The following ASTN2 variants were observed in gnomAD, a reference collection of about 807,000 sequenced individuals.
ASTN2 encodes astrotactin-2.
ASTN2 carries 54 observed loss-of-function variants against 139.8 expected under a neutral mutation model. That is an observed-to-expected ratio of 0.39 (90% CI 0.31 to 0.48). ASTN2 has a LOEUF of 0.48. Ranked by LOEUF, ASTN2 falls within the 20% of genes least tolerant of loss-of-function variation. The pLI is 0.95. For missense variants in ASTN2, 1,565 were observed against 1,725.1 expected, an observed-to-expected ratio of 0.91 and a Z score of 1.64; for synonymous variants, 756 against 719.5, an observed-to-expected ratio of 1.05 and a Z score of -0.81.
intron 19 of ASTN2, among the ~76,000 whole-genome samples, chr9:116,576,565 G>GAA (rs1853729610): frequency 2.0e-5 from 3 of 152,176 alleles, no homozygotes; most frequent in Non-Finnish European, 2.9e-5. Flanking sequence ...ATGAGAGGAT[G>GAA]CTAGGCCGGG....
Position 117,214,692 on chromosome 9 carries a change from C to T in ASTN2, c.681G>A (p.Leu227=), listed in dbSNP as rs1349438026. 2 of 1,538,292 alleles carry T rather than the reference C, an allele frequency of 1.3e-6. No homozygotes were observed. Among genetic ancestry groups the T allele is most frequent in the East Asian group, 2.3e-5 (1 of 43,962 alleles). The change falls in exon 3 of 23, where the codon CTG becomes CTA. Residue 227 remains leucine, a synonymous_variant. Coordinates refer to ENST00000313400, the MANE Select transcript of ASTN2 (RefSeq NM_001365068.1). ...LLLLLVFTVA[L]YAQRRWQKRR... Reference sequence around the variant, plus strand: ...GCTTCTGCCAACGTCGCTGGGCGTACAGCGCCACGGTGAACACCAGCAGCA... The same window carrying T: ...GCTTCTGCCAACGTCGCTGGGCGTATAGCGCCACGGTGAACACCAGCAGCA...
intron 19 of ASTN2, among the ~76,000 whole-genome samples, chr9:116,543,437 CAAA>C (rs889238650): frequency 1.6e-4 from 20 of 121,922 alleles, no homozygotes; most frequent in African/African-American, 5.1e-4. Context: ...CACCCTGTCT[CAAA>C]AAAAAAAAAA....
At chr9:117,403,545 C>G (rs1211059488) in intron 1 of ASTN2, among the ~76,000 whole-genome samples, 2 of 152,150 alleles carry the variant, frequency 1.3e-5, no homozygotes, top group Middle Eastern at 3.2e-3. Flanking sequence ...TGCCCCACCC[C>G]CTTCCCTCCT....
intron 4 of ASTN2, among the ~76,000 whole-genome samples, chr9:117,122,336 C>T (rs1829578129): frequency 6.6e-6 from 1 of 152,138 alleles, no homozygotes; most frequent in Non-Finnish European, 1.5e-5. Context: ...CAATTAGGTC[C>T]AAGCAAGCTC....
intron 16 of ASTN2, among the ~76,000 whole-genome samples, chr9:116,714,332 C>CA (rs939289787): frequency 1.2e-4 from 18 of 152,206 alleles, no homozygotes; most frequent in African/African-American, 4.1e-4. Context: ...AGGAAGAAGA[C>CA]ATATATCTTA....
intron 3 of ASTN2, among the ~76,000 whole-genome samples, chr9:117,144,977 CT>C (rs1730775537): frequency 6.6e-6 from 1 of 151,976 alleles, no homozygotes; most frequent in African/African-American, 2.4e-5. Flanking sequence ...CCCACTACGC[CT>C]GGCTCTTTTT....
intron 17 of ASTN2, among the ~76,000 whole-genome samples, chr9:116,637,873 G>A (rs963088876): frequency 9.9e-5 from 15 of 152,172 alleles, no homozygotes; most frequent in Admixed American, 3.3e-4. Context: ...CAGGGAGATC[G>A]AGGCTACAGT....
rs554664783 is a variant in ASTN2, at chr9:116,631,311, A to T, written c.3073-10868T>A. Among the ~76,000 whole-genome samples the T allele has an allele frequency of 2.0e-5, 3 of 152,348 alleles. No homozygotes were observed. The South Asian group carries it at 6.2e-4, about 32-fold the overall frequency. On this transcript the variant is annotated intron_variant, in intron 17 of 22. Transcript: ENST00000313400. The stretch of plus-strand genomic sequence containing the variant: ...TTAACAATAACCAAGATATGGACTC[A>T]ACCTAAGTGTCCATAAATAAATGCA...
At chr9:117,029,919 T>C (rs1838199485) in intron 6 of ASTN2, among the ~76,000 whole-genome samples, 1 of 152,020 alleles carries the variant, frequency 6.6e-6, no homozygotes, top group Non-Finnish European at 1.5e-5. Context: ...AGTCACAACA[T>C]TCTCATAATC....
At chr9:116,921,848 C>T (rs1359670245) in intron 10 of ASTN2, among the ~76,000 whole-genome samples, 3 of 152,122 alleles carry the variant, frequency 2.0e-5, no homozygotes, top group Admixed American at 6.5e-5. Context: ...CCCCCATTAT[C>T]CAATAACCTT....
Position 117,219,649 on chromosome 9 carries a change from A to T in ASTN2, c.631-4907T>A, listed in dbSNP as rs528978445. The stretch of plus-strand genomic sequence containing the variant: ...ACAGGGTTGCTTCTGTGAGGTTGTA[A>T]GCTGGACAGATCTTGGGGTGATTTG... On this transcript the variant is annotated intron_variant, in intron 2 of 22. Transcript: ENST00000313400. Among the ~76,000 whole-genome samples, 17 of 152,326 alleles carry T rather than the reference A, an allele frequency of 1.1e-4. 1 individual carries two copies. In the South Asian group the frequency reaches 2.7e-3, roughly 24 times the overall value.
intron 6 of ASTN2, among the ~76,000 whole-genome samples, chr9:117,030,041 G>C (rs760393970): frequency 6.6e-6 from 1 of 152,090 alleles, no homozygotes; most frequent in Non-Finnish European, 1.5e-5. Flanking sequence ...CTGAAGTTTA[G>C]GAGGGGAATT....
At chr9:116,449,052 A>G (rs1215150283) in intron 20 of ASTN2, among the ~76,000 whole-genome samples, 1 of 152,188 alleles carries the variant, frequency 6.6e-6, no homozygotes. Flanking sequence ...TCTACAACCT[A>G]CTATCCTTAT....
chr9:116,711,147 T>C (rs1828143615), intron 16 of ASTN2, among the ~76,000 whole-genome samples: 1 of 152,198 alleles, frequency 6.6e-6, no homozygotes, highest in Admixed American at 6.5e-5. Flanking sequence ...GTGCAAATGC[T>C]CAAGCAACAA....
At chr9:116,498,802 C>T (rs1000472954) in intron 19 of ASTN2, among the ~76,000 whole-genome samples, 1 of 152,166 alleles carries the variant, frequency 6.6e-6, no homozygotes, top group South Asian at 2.1e-4. Context: ...GCTCCAAGGA[C>T]ATAGCAGGGC....
intron 16 of ASTN2, among the ~76,000 whole-genome samples, chr9:116,691,042 C>G (rs954805923): frequency 6.6e-6 from 1 of 152,146 alleles, no homozygotes; most frequent in Admixed American, 6.5e-5. Flanking sequence ...ATCTCAGCCT[C>G]CCAAGTAGCT....
chr9:117,374,993 C>G (rs1048053319), intron 1 of ASTN2, among the ~76,000 whole-genome samples: 7 of 152,190 alleles, frequency 4.6e-5, no homozygotes, highest in Non-Finnish European at 1.0e-4. Context: ...ATCTTTAGAA[C>G]CAATCCTTCT....
chr9:117,296,219 A>G (rs1336811088), intron 1 of ASTN2, among the ~76,000 whole-genome samples: 1 of 132,468 alleles, frequency 7.5e-6, no homozygotes, highest in African/African-American at 2.8e-5. Context: ...TGGAGGTTGC[A>G]GTGAGCTGAG....
At chr9:117,152,192 A>C (rs1830339668) in intron 3 of ASTN2, among the ~76,000 whole-genome samples, 1 of 152,202 alleles carries the variant, frequency 6.6e-6, no homozygotes, top group Admixed American at 6.5e-5. Flanking sequence ...TGGATTAAGC[A>C]ATCAACTAAT....
Sources: allele counts gnomAD v4.1 joint callset (sites outside exome capture counted in the v4.1 genomes callset), GRCh38; gene constraint gnomAD v4.1.1; transcripts MANE v1.5; gene names NCBI Gene and HGNC (gene_info 2026-07-23, HGNC 2026-07-21).